The following CSMD3 variants were observed in gnomAD, a reference collection of about 807,000 sequenced individuals.
CSMD3 encodes CUB and Sushi multiple domains 3, also known as CUB and sushi domain-containing protein 3.
In CSMD3, 177 loss-of-function variants were observed where a neutral mutation model predicts 435.2. The ratio of observed to expected loss-of-function variants is 0.41; its 90% CI spans 0.36 to 0.46. CSMD3 has a LOEUF of 0.46. Among genes scored for constraint, CSMD3 ranks in the 20% least tolerant of loss-of-function variants. CSMD3 has a pLI of 0.34. For synonymous variants in CSMD3, 1,656 were observed against 1,520.5 expected, an observed-to-expected ratio of 1.09 and a Z score of -2.07; for missense variants, 4,265 against 4,504.6, an observed-to-expected ratio of 0.95 and a Z score of 1.52.
Position 112,723,746 on chromosome 8 carries a change from C to T in CSMD3, c.1973-33696G>A, listed in dbSNP as rs74741012. ...ATAACTTTGGGCACATTAGAAATCA[C>T]GGAGACCTAGTTTTATCATCCCTAC... On this transcript the variant is annotated intron_variant, in intron 13 of 70. Coordinates refer to ENST00000297405, the MANE Select transcript of CSMD3 (RefSeq NM_198123.2). Among the ~76,000 whole-genome samples, 321 of 152,194 alleles carry T rather than the reference C, an allele frequency of 2.1e-3. 1 individual carries two copies. The highest frequency in any genetic ancestry group is 7.3e-3 in the African/African-American group (305 of 41,542).
At chr8:112,827,561 A>T (rs1009972030) in intron 12 of CSMD3, among the ~76,000 whole-genome samples, 2 of 152,160 alleles carry the variant, frequency 1.3e-5, no homozygotes, top group African/African-American at 4.8e-5. Flanking sequence ...ATGTGATAGG[A>T]TCTAACAAAC....
intron 32 of CSMD3, among the ~76,000 whole-genome samples, chr8:112,448,722 A>G (rs1298228011): frequency 6.6e-6 from 1 of 151,056 alleles, no homozygotes; most frequent in Non-Finnish European, 1.5e-5. Context: ...GAAACAATCC[A>G]TATGAGTCAA....
At chr8:112,682,034 G>T (rs986000785) in intron 16 of CSMD3, among the ~76,000 whole-genome samples, 16 of 152,020 alleles carry the variant, frequency 1.1e-4, no homozygotes, top group Middle Eastern at 3.4e-3. Context: ...TAGCTTAAAT[G>T]TATTTATTAT....
At chr8:113,405,047 T>C (rs1444940473) in intron 1 of CSMD3, among the ~76,000 whole-genome samples, 1 of 151,516 alleles carries the variant, frequency 6.6e-6, no homozygotes, top group Non-Finnish European at 1.5e-5. Flanking sequence ...AGTGAGTAAA[T>C]GATCATCACT....
At chr8:112,763,049 G>A (rs1448716892) in intron 13 of CSMD3, among the ~76,000 whole-genome samples, 1 of 151,584 alleles carries the variant, frequency 6.6e-6, no homozygotes, top group Non-Finnish European at 1.5e-5. Context: ...GATTTAAAGT[G>A]TTCTCACCAC....
In CSMD3 at chr8:112,682,578, C is replaced by A; in HGVS notation, c.2541G>T (p.Gly847=). ...PGIPINARRF[G]DNFQLGSSIS... ...TTGAACTTCCTAATTGAAAGTTGTC[C>A]CCAAACCGCCGTGCATTGATTGGTA... Residue 847 remains glycine, a synonymous_variant, in exon 16 of 71, where the codon GGG becomes GGT. Coordinates refer to ENST00000297405, the MANE Select transcript of CSMD3 (RefSeq NM_198123.2). 1 of 1,613,580 alleles carries A rather than the reference C, an allele frequency of 6.2e-7. No individual in the cohort carries two copies. The highest frequency in any genetic ancestry group is 1.1e-5 in the South Asian group (1 of 91,086).
At chr8:112,311,425 A>G (rs1179168049) in intron 49 of CSMD3, among the ~76,000 whole-genome samples, 4 of 152,090 alleles carry the variant, frequency 2.6e-5, no homozygotes, top group Non-Finnish European at 5.9e-5. Context: ...ATTGAAATGT[A>G]TTTTCTTAAC....
chr8:112,871,055 G>C (rs1384132096), intron 10 of CSMD3, among the ~76,000 whole-genome samples: 2 of 152,100 alleles, frequency 1.3e-5, no homozygotes, highest in Non-Finnish European at 2.9e-5. Flanking sequence ...GGTACAAGGT[G>C]TCCATTTCCA....
chr8:112,651,663 G>A (rs1284217505), intron 18 of CSMD3, among the ~76,000 whole-genome samples: 1 of 151,586 alleles, frequency 6.6e-6, no homozygotes, highest in African/African-American at 2.4e-5. Flanking sequence ...TCAGCCTCCC[G>A]AGTAGCTGGG....
chr8:112,974,829 T>C (rs1057248842), intron 7 of CSMD3, among the ~76,000 whole-genome samples: 1 of 151,812 alleles, frequency 6.6e-6, no homozygotes, highest in Non-Finnish European at 1.5e-5. Flanking sequence ...GCTCTAAGTA[T>C]TGAGCACAAT....
intron 35 of CSMD3, among the ~76,000 whole-genome samples, chr8:112,405,224 T>TATATATATATATATATATATAC (rs1831715252): frequency 1.7e-5 from 1 of 58,336 alleles, no homozygotes; most frequent in African/African-American, 6.5e-5. Flanking sequence ...CATATATATA[T>TATATATATATATATATATATAC]ATATATATAT....
chr8:113,310,158 T>C (rs2093856468), intron 2 of CSMD3: 1 of 152,140 alleles, frequency 6.6e-6, no homozygotes, highest in Non-Finnish European at 1.5e-5. Flanking sequence ...AAAATAACTA[T>C]ACTACTACGT....
In CSMD3 at chr8:112,384,018, T is replaced by C. The variant is rs563914670; in HGVS notation, c.5935-355A>G. On this transcript the variant is annotated intron_variant, in intron 36 of 70. Transcript: ENST00000297405. ...AACAATCGGTGAATTTTTATGTATA[T>C]GTACTGATTTGAGTTTTCTAATTTG... Among the ~76,000 whole-genome samples the C allele has an allele frequency of 3.0e-4, 45 of 152,352 alleles. 1 individual carries two copies. Among genetic ancestry groups the C allele is most frequent in the African/African-American group, 1.0e-3 (43 of 41,592 alleles).
chr8:113,387,486 C>T (rs373238928), intron 1 of CSMD3, among the ~76,000 whole-genome samples: 12 of 151,728 alleles, frequency 7.9e-5, no homozygotes, highest in African/African-American at 1.7e-4. Flanking sequence ...TCCATACTTT[C>T]GAAGTATTCA....
At chr8:112,311,421 A>G (rs554581622) in intron 49 of CSMD3, among the ~76,000 whole-genome samples, 1 of 152,310 alleles carries the variant, frequency 6.6e-6, no homozygotes, top group African/African-American at 2.4e-5. Context: ...CTGAATTGAA[A>G]TGTATTTTCT....
chr8:113,326,093 A>G (rs2093981847), intron 1 of CSMD3, among the ~76,000 whole-genome samples: 1 of 152,226 alleles, frequency 6.6e-6, no homozygotes, highest in Non-Finnish European at 1.5e-5. Flanking sequence ...ATAACATCTA[A>G]CTTAGCTAGT....
At position 112,341,610 on chromosome 8, in the gene CSMD3, T is replaced by G; in HGVS notation, c.6519A>C (p.Glu2173Asp). The G allele has an allele frequency of 6.2e-7, 1 of 1,613,340 alleles. No individual in the cohort carries two copies. The highest frequency in any genetic ancestry group is 1.1e-5 in the South Asian group (1 of 91,068). Residue 2173 changes from glutamate (E) to aspartate (D), a missense_variant, in exon 42 of 71, where the codon GAA becomes GAC. Physicochemically the swap from Glu to Asp is conservative, Grantham distance 45. Around this residue, in one of 3 missense-constraint regions of CSMD3, gnomAD observed 3,255 missense variants for 3,380.2 expected, o/e 0.96. Coordinates refer to ENST00000297405, the MANE Select transcript of CSMD3 (RefSeq NM_198123.2). ...TAAGCCGGCCAATAACAGTACTAGT[T>G]TCTGAGGATCCACTTCGTACTTCCA... ...DYLEVRSGSSETSTVIGRLSG... is the reference protein window; with the variant it reads ...DYLEVRSGSSDTSTVIGRLSG...
chr8:113,294,594 T>A (rs1279712819), intron 2 of CSMD3, among the ~76,000 whole-genome samples: 1 of 152,144 alleles, frequency 6.6e-6, no homozygotes, highest in African/African-American at 2.4e-5. Context: ...TTAACGTGAA[T>A]GCTTAAAATT....
At chr8:112,680,528 G>T (rs573847021) in intron 16 of CSMD3, among the ~76,000 whole-genome samples, 1 of 152,184 alleles carries the variant, frequency 6.6e-6, no homozygotes, top group East Asian at 1.9e-4. Context: ...TTTTACTTTA[G>T]TCCATTATTG....
Sources: allele counts gnomAD v4.1 joint callset (sites outside exome capture counted in the v4.1 genomes callset), GRCh38; gene constraint gnomAD v4.1.1; regional missense constraint gnomAD v4.1.1; transcripts MANE v1.5; gene names NCBI Gene and HGNC (gene_info 2026-07-23, HGNC 2026-07-21).